Variants in SPAG16 observed in about 807,000 individuals in gnomAD.
The protein encoded by SPAG16 is sperm associated antigen 16.
Under a neutral mutation model 80.4 loss-of-function variants are expected in SPAG16, and 86 were observed. The observed-to-expected ratio is 1.07, with a 90% CI of 0.90 to 1.28. SPAG16 has a LOEUF of 1.28. Among genes scored for constraint, SPAG16 ranks in the 50% most tolerant of loss-of-function variants. SPAG16 has a pLI of 0.00. For synonymous variants in SPAG16, 294 were observed against 265.9 expected, an observed-to-expected ratio of 1.11 and a Z score of -1.03; for missense variants, 870 against 765.3, an observed-to-expected ratio of 1.14 and a Z score of -1.61.
intron 10 of SPAG16, among the ~76,000 whole-genome samples, chr2:213,764,205 CT>C (rs113112155): frequency 0.023 from 3,424 of 151,596 alleles, 116 homozygotes; most frequent in African/African-American, 0.077. Flanking sequence ...TTTTTTTTCT[CT>C]TTTTCTTCAT....
At chr2:214,212,340 C>T (rs774537461) in intron 15 of SPAG16, among the ~76,000 whole-genome samples, 8 of 152,058 alleles carry the variant, frequency 5.3e-5, no homozygotes, top group Middle Eastern at 3.2e-3. Context: ...CAAGTATCAC[C>T]GCCTCAGAGG....
At chr2:213,857,413 A>C (rs539708023) in intron 10 of SPAG16, among the ~76,000 whole-genome samples, 1 of 152,294 alleles carries the variant, frequency 6.6e-6, no homozygotes, top group East Asian at 1.9e-4. Flanking sequence ...ACCATGTTGA[A>C]AATCCTAGGA....
At position 213,582,161 on chromosome 2, in the gene SPAG16, A is replaced by G. The variant is rs567578426; in HGVS notation, c.1070+92071A>G. Among the ~76,000 whole-genome samples the G allele has an allele frequency of 2.6e-5, 4 of 152,240 alleles. No individual in the cohort carries two copies. In the East Asian group the frequency reaches 5.8e-4, roughly 22 times the overall value. On this transcript the variant is annotated intron_variant, in intron 10 of 15. Coordinates refer to ENST00000331683, the MANE Select transcript of SPAG16 (RefSeq NM_024532.5). ...AGAGTAAAAGGAGAGAATAGGTACAATGAAGAATCTACATGTGGTAACTTT... is the reference window on the plus strand; with the variant it reads ...AGAGTAAAAGGAGAGAATAGGTACAGTGAAGAATCTACATGTGGTAACTTT...
intron 10 of SPAG16, among the ~76,000 whole-genome samples, chr2:213,760,559 A>G (rs1347863073): frequency 6.6e-6 from 1 of 152,086 alleles, no homozygotes; most frequent in Non-Finnish European, 1.5e-5. Context: ...TAAAAAAAAA[A>G]CAATTAGACC....
At chr2:214,288,458 T>C in intron 15 of SPAG16, among the ~76,000 whole-genome samples, 1 of 152,204 alleles carries the variant, frequency 6.6e-6, no homozygotes, top group East Asian at 1.9e-4. Flanking sequence ...GTGGGATTGC[T>C]GAATCTTATG....
At chr2:213,572,819 G>A (rs553944630) in intron 10 of SPAG16, among the ~76,000 whole-genome samples, 1 of 152,124 alleles carries the variant, frequency 6.6e-6, no homozygotes, top group Non-Finnish European at 1.5e-5. Context: ...GGGCAATGGC[G>A]GGCGCCCCTC....
intron 10 of SPAG16, among the ~76,000 whole-genome samples, chr2:213,662,511 C>G (rs917087158): frequency 3.3e-5 from 5 of 151,998 alleles, no homozygotes; most frequent in African/African-American, 4.8e-5. Context: ...TAAATGAAAG[C>G]CAGTAAATGT....
intron 9 of SPAG16, among the ~76,000 whole-genome samples, chr2:213,403,486 G>T (rs919576680): frequency 6.7e-6 from 1 of 148,322 alleles, no homozygotes; most frequent in South Asian, 2.1e-4. Context: ...ATGCAGAAAA[G>T]GCCTTTGACA....
At chr2:213,297,801 G>A (rs2062570393) in intron 3 of SPAG16, among the ~76,000 whole-genome samples, 2 of 152,026 alleles carry the variant, frequency 1.3e-5, no homozygotes, top group Admixed American at 6.6e-5. Context: ...GAATGTGGTG[G>A]GGGATGTTTT....
At chr2:214,008,654 A>G (rs1246320081) in intron 12 of SPAG16, among the ~76,000 whole-genome samples, 1 of 152,066 alleles carries the variant, frequency 6.6e-6, no homozygotes, top group Non-Finnish European at 1.5e-5. Context: ...CTGAGGTAGG[A>G]GAATCGCTTG....
At chr2:213,672,174 ATT>A (rs57118142) in intron 10 of SPAG16, among the ~76,000 whole-genome samples, 7,143 of 147,212 alleles carry the variant, frequency 0.049, 554 homozygotes, top group African/African-American at 0.17. Context: ...AATTTCTTTG[ATT>A]TTTTTTTTTT....
At position 214,155,566 on chromosome 2, in the gene SPAG16, G is replaced by A. The variant is rs559909560; in HGVS notation, c.1720+6300G>A. On this transcript the variant is annotated intron_variant, in intron 15 of 15. Transcript: ENST00000331683. ...TTGCCCAGTCTGGTCTGGAACTCCT[G>A]GGTGCAAGCAATCTTCCTGCCTCAG... 5.9e-5 allele frequency among the ~76,000 whole-genome samples: 9 copies of A among 152,034 alleles called. No homozygotes were observed. In the South Asian group the frequency reaches 1.0e-3, roughly 18 times the overall value.
intron 15 of SPAG16, among the ~76,000 whole-genome samples, chr2:214,355,532 G>A: frequency 7.8e-6 from 1 of 127,674 alleles, no homozygotes; most frequent in East Asian, 2.3e-4. Context: ...AACAAGTGCT[G>A]GAGAGGATGT....
At chr2:213,468,534 GATATATATATATGT>G (rs2072870799) in intron 9 of SPAG16, among the ~76,000 whole-genome samples, 1 of 118,822 alleles carries the variant, frequency 8.4e-6, no homozygotes, top group Admixed American at 8.3e-5. Context: ...TTTATATATA[GATATATATATATGT>G]ATTTATATAT....
chr2:213,593,827 T>G (rs1187481876), intron 10 of SPAG16, among the ~76,000 whole-genome samples: 1 of 131,192 alleles, frequency 7.6e-6, no homozygotes, highest in Non-Finnish European at 1.6e-5. Flanking sequence ...CAGGCTGGAG[T>G]GCAGTGTAGA....
At chr2:213,347,282 C>G (rs1177796703) in intron 6 of SPAG16, among the ~76,000 whole-genome samples, 2 of 151,976 alleles carry the variant, frequency 1.3e-5, no homozygotes, top group African/African-American at 4.8e-5. Context: ...CTCTTTTCTT[C>G]TTTATTAGTC....
At chr2:214,307,870 C>G (rs1695028534) in intron 15 of SPAG16, among the ~76,000 whole-genome samples, 1 of 152,094 alleles carries the variant, frequency 6.6e-6, no homozygotes, top group Admixed American at 6.5e-5. Flanking sequence ...TCTGTTGTTT[C>G]TGTGTGGAGA....
In SPAG16 at chr2:213,377,895, ATATATATATT is replaced by A. The variant is rs1559472149; in HGVS notation, c.942+2778_942+2787del. Among the ~76,000 whole-genome samples, 348 of 49,364 alleles carry A rather than the reference ATATATATATT, an allele frequency of 7.0e-3. No homozygotes were observed. In the East Asian group the frequency reaches 0.077, roughly 11 times the overall value. The allele number at this position is 49,364 out of a possible 152,430, so 32.4% of individuals were successfully genotyped here. On this transcript the variant is annotated intron_variant, in intron 9 of 15. Coordinates refer to ENST00000331683, the MANE Select transcript of SPAG16 (RefSeq NM_024532.5). ...TAATAGGATGTGTATATATATATAT[ATATATATATT>A]TTTTTTTTTTTTTCTTTAGAAGGAT...
intron 14 of SPAG16, among the ~76,000 whole-genome samples, chr2:214,112,010 TAAG>T (rs1329887310): frequency 1.3e-5 from 2 of 152,184 alleles, no homozygotes; most frequent in Non-Finnish European, 2.9e-5. Flanking sequence ...CTTATCAGCT[TAAG>T]GAGATTTTGG....
Sources: allele counts gnomAD v4.1 joint callset (sites outside exome capture counted in the v4.1 genomes callset), GRCh38; gene constraint gnomAD v4.1.1; transcripts MANE v1.5; gene names NCBI Gene and HGNC (gene_info 2026-07-23, HGNC 2026-07-21).